ELFN2: variants seen among roughly 807,000 people sequenced by gnomAD.
ELFN2 encodes the protein extracellular leucine rich repeat and fibronectin type III domain containing 2, also known as protein phosphatase 1 regulatory subunit 29.
A neutral mutation model predicts 45.5 loss-of-function variants in ELFN2; 17 were observed. The ratio of observed to expected loss-of-function variants is 0.37; its 90% CI spans 0.26 to 0.56. The LOEUF is 0.56. Ranked by LOEUF, ELFN2 falls within the 20% of genes least tolerant of loss-of-function variation. The probability of loss-of-function intolerance (pLI) is 0.77; values close to 1 mark genes in which losing one functional copy is unlikely to be tolerated. For missense variants in ELFN2, 922 were observed against 1,183.2 expected (o/e 0.78, Z 3.24); for synonymous variants, 550 against 551.5 (o/e 1.00, Z 0.04).
Position 37,375,542 on chromosome 22 carries a change from G to A in ELFN2, c.-8C>T, listed in dbSNP as rs1931554195. ...CAGCCCCAGGCGCAGCATGGCGCTG[G>A]CCTCGGAGTGAGGGGCCAGGGCAAG... On this transcript the variant is annotated 5_prime_UTR_variant, in exon 3 of 3. Coordinates refer to ENST00000402918, the MANE Select transcript of ELFN2 (RefSeq NM_052906.5). The A allele has an allele frequency of 1.2e-5, 18 of 1,536,746 alleles. No homozygotes were observed. Among genetic ancestry groups the A allele is most frequent in the Non-Finnish European group, 1.5e-5 (17 of 1,140,540 alleles).
At position 37,374,368 on chromosome 22, in the gene ELFN2, G is replaced by C; in HGVS notation, c.1167C>G (p.Pro389=). The change falls in exon 3 of 3, where the codon CCC becomes CCG. Residue 389 remains proline, a synonymous_variant. Transcript: ENST00000402918. ...TGTAGTGGGTGGTGGTGGAGGTGCTGGGCGCCAAGTCTCCGGGGACGGGGT... is the reference window on the plus strand; with the variant it reads ...TGTAGTGGGTGGTGGTGGAGGTGCTCGGCGCCAAGTCTCCGGGGACGGGGT... ...TRDPVPGDLA[P]STSTTTHYIM... 1.9e-6 allele frequency: 3 copies of C among 1,614,006 alleles called. No homozygotes were observed. Among genetic ancestry groups the C allele is most frequent in the Non-Finnish European group, 1.7e-6 (2 of 1,179,978 alleles).
intron 1 of ELFN2, among the ~76,000 whole-genome samples, chr22:37,347,991 C>T (rs1189755693): frequency 2.0e-5 from 3 of 152,218 alleles, no homozygotes; most frequent in Non-Finnish European, 4.4e-5. Flanking sequence ...GTGGGAGTCC[C>T]TCGTTCTGCT....
At position 37,383,178 on chromosome 22, in the gene ELFN2, C is replaced by A. The variant is rs28397194; in HGVS notation, c.-462-7182G>T. Among the ~76,000 whole-genome samples, 1,461 of 152,244 alleles carry A rather than the reference C, an allele frequency of 9.6e-3. 25 individuals carry two copies. Among genetic ancestry groups the A allele is most frequent in the African/African-American group, 0.034 (1,401 of 41,548 alleles). On this transcript the variant is annotated intron_variant, in intron 2 of 2. Transcript: ENST00000402918. ...CTGGAGCCAAGCACCAGTGCCGATG[C>A]GTTCAGAGCAGGATCAGCTCCAGAA...
At position 37,410,639 on chromosome 22, in the gene ELFN2, C is replaced by T. The variant is rs1705322038; in HGVS notation, c.-463+7130G>A. ...AAATTGGAGAGGGACGAGCCGGGCA[C>T]TGACCGGAAACCGCAGGCGTGGATA... is the stretch of plus-strand genomic sequence containing the variant. On this transcript the variant is annotated intron_variant, in intron 2 of 2. Transcript: ENST00000402918. Among the ~76,000 whole-genome samples, 3 of 152,216 alleles carry T rather than the reference C, an allele frequency of 2.0e-5. No individual in the cohort carries two copies. The South Asian group carries it at 6.2e-4, about 31-fold the overall frequency.
At chr22:37,388,347 A>G (rs949044534) in intron 2 of ELFN2, among the ~76,000 whole-genome samples, 1 of 151,914 alleles carries the variant, frequency 6.6e-6, no homozygotes, top group African/African-American at 2.4e-5. Flanking sequence ...CTCCATCACA[A>G]CCGGAATCAT....
rs764480223 is a variant in ELFN2, at chr22:37,374,005, G to T, written c.1530C>A (p.Gly510=). 6.2e-7 allele frequency: 1 copy of T among 1,613,080 alleles called. No homozygotes were observed. The highest frequency in any genetic ancestry group is 1.1e-5 in the South Asian group (1 of 91,082). The part of the protein sequence containing the change: ...GNYIEVRTGA[G]GDGLARPEDD... ...CCTCGGGCCGAGCCAGACCGTCCCC[G>T]CCGGCGCCTGTGCGCACCTCGATAT... The change falls in exon 3 of 3, where the codon GGC becomes GGA. Residue 510 remains glycine (G), a synonymous_variant. Coordinates refer to ENST00000402918, the MANE Select transcript of ELFN2 (RefSeq NM_052906.5).
At chr22:37,389,529 C>A (rs1044785774) in intron 2 of ELFN2, among the ~76,000 whole-genome samples, 4 of 152,032 alleles carry the variant, frequency 2.6e-5, no homozygotes, top group African/African-American at 7.3e-5. Context: ...GCAGGGTGAC[C>A]CCCCTGCTAT....
At chr22:37,378,495 G>A (rs374095774) in intron 2 of ELFN2, among the ~76,000 whole-genome samples, 117 of 152,336 alleles carry the variant, frequency 7.7e-4, no homozygotes, top group African/African-American at 2.0e-3. Context: ...GGGAGAAGAG[G>A]CCCATGTGGG....
intron 2 of ELFN2, among the ~76,000 whole-genome samples, chr22:37,383,457 A>G (rs756380410): frequency 3.9e-5 from 6 of 152,128 alleles, no homozygotes; most frequent in Admixed American, 2.6e-4. Context: ...AGCCCTGCAC[A>G]CCAGCTGCTC....
chr22:37,424,690 G>T (rs1474252431), intron 1 of ELFN2, among the ~76,000 whole-genome samples: 1 of 150,196 alleles, frequency 6.7e-6, no homozygotes, highest in Non-Finnish European at 1.5e-5. Flanking sequence ...CGGGGGGGGG[G>T]ATGGAATTCA....
intron 2 of ELFN2, among the ~76,000 whole-genome samples, chr22:37,395,150 T>TAAATAAATAAAG (rs559829736): frequency 6.8e-6 from 1 of 147,608 alleles, no homozygotes; most frequent in African/African-American, 2.5e-5. Flanking sequence ...AATAAATAAA[T>TAAATAAATAAAG]ATTGTTGGAT....
intron 1 of ELFN2, among the ~76,000 whole-genome samples, chr22:37,426,671 C>T (rs1285143195): frequency 6.6e-6 from 1 of 151,718 alleles, no homozygotes; most frequent in East Asian, 1.9e-4. Flanking sequence ...ACACACACAC[C>T]CGGCAGTGGC....
chr22:37,377,904 T>A (rs1931627551), intron 2 of ELFN2, among the ~76,000 whole-genome samples: 1 of 152,202 alleles, frequency 6.6e-6, no homozygotes, highest in Admixed American at 6.5e-5. Context: ...CCAGGCCAGT[T>A]CTACCCCTCT....
chr22:37,353,873 C>A (rs1446413185), intron 1 of ELFN2: 2 of 147,522 alleles, frequency 1.4e-5, no homozygotes, highest in African/African-American at 4.9e-5. Context: ...GAAAGAGGAA[C>A]ACACATTTGC....
chr22:37,408,661 C>T (rs143062938), intron 2 of ELFN2, among the ~76,000 whole-genome samples: 68 of 152,348 alleles, frequency 4.5e-4, no homozygotes, highest in Middle Eastern at 6.8e-3. Context: ...AATAACTGGC[C>T]TTCCAGGGAT....
chr22:37,376,960 G>C (rs938086893), intron 2 of ELFN2, among the ~76,000 whole-genome samples: 1 of 152,180 alleles, frequency 6.6e-6, no homozygotes, highest in Non-Finnish European at 1.5e-5. Flanking sequence ...AGGTTCCTAA[G>C]GCACTGAGCC....
At chr22:37,383,070 G>A (rs552959981) in intron 2 of ELFN2, among the ~76,000 whole-genome samples, 8 of 152,214 alleles carry the variant, frequency 5.3e-5, no homozygotes, top group East Asian at 3.9e-4. Flanking sequence ...CTCTTCCTTC[G>A]CTGTGGTGTC....
chr22:37,402,246 G>A (rs1416662380), intron 2 of ELFN2, among the ~76,000 whole-genome samples: 5 of 152,226 alleles, frequency 3.3e-5, no homozygotes, highest in East Asian at 1.9e-4. Context: ...AATACCCTCC[G>A]GTTAATCCAT....
At chr22:37,361,627 C>G (rs1931089259) in intron 1 of ELFN2, among the ~76,000 whole-genome samples, 1 of 152,190 alleles carries the variant, frequency 6.6e-6, no homozygotes, top group Admixed American at 6.5e-5. Flanking sequence ...ACTTCTACCC[C>G]CAGGCCCCAT....
Sources: gnomAD v4.1 joint callset for allele counts (sites outside exome capture counted in the v4.1 genomes callset) on GRCh38, gnomAD v4.1.1 for gene constraint, MANE v1.5 for transcripts, NCBI Gene and HGNC (gene_info 2026-07-23, HGNC 2026-07-21) for gene names.